CEP120: variants seen among roughly 807,000 people sequenced by gnomAD.
CEP120 encodes the protein centrosomal protein of 120 kDa.
In CEP120, 113 loss-of-function variants were observed where a neutral mutation model predicts 126.5. The ratio of observed to expected loss-of-function variants is 0.89; its 90% CI spans 0.77 to 1.04. CEP120 has a LOEUF of 1.04. Among genes scored for constraint, CEP120 ranks in the 50% least tolerant of loss-of-function variants. CEP120 has a pLI of 0.00. For synonymous variants in CEP120, 400 were observed against 394.3 expected (o/e 1.01, Z -0.17); for missense variants, 1,230 against 1,155.7 (o/e 1.06, Z -0.93).
chr5:123,383,191 C>T, intron 11 of CEP120, 109 bp from the exon 12 acceptor site: 2 of 639,946 alleles, frequency 3.1e-6, no homozygotes, highest in East Asian at 2.9e-5. Flanking sequence ...ATTTTCTGCT[C>T]CTAACTCTAT....
chr5:123,393,883 A>G (rs1309848558), intron 5 of CEP120, among the ~76,000 whole-genome samples: 2 of 152,202 alleles, frequency 1.3e-5, no homozygotes, highest in African/African-American at 2.4e-5. Context: ...TATGTTATGA[A>G]TGAGGAAAGG....
chr5:123,422,867 A>G, intron 1 of CEP120, 83 bp downstream of exon 1: 1 of 1,262,214 alleles, frequency 7.9e-7, no homozygotes, highest in Non-Finnish European at 1.2e-6. Flanking sequence ...CAGGGTTCTT[A>G]AGGTTAACAA....
chr5:123,389,805 G>T (rs1772267958), intron 8 of CEP120, 119 bp downstream of exon 8: 2 of 861,646 alleles, frequency 2.3e-6, no homozygotes, highest in East Asian at 2.6e-5. Flanking sequence ...CAGCCTTATT[G>T]GTTCTTAACA....
At chr5:123,367,583 C>CA (rs1770556625) in intron 17 of CEP120, among the ~76,000 whole-genome samples, 1 of 151,760 alleles carries the variant, frequency 6.6e-6, no homozygotes, top group Non-Finnish European at 1.5e-5. Context: ...TCCCAAAATC[C>CA]AAAAAATCTA....
intron 8 of CEP120, 130 bp from the exon 9 acceptor site, chr5:123,388,736 T>C (rs565691458): frequency 7.8e-5 from 48 of 618,842 alleles, no homozygotes; most frequent in African/African-American, 7.3e-4. Context: ...CTCATGAACA[T>C]ATGAATTGAG....
At chr5:123,363,044 T>A (rs1198663080) in intron 18 of CEP120, among the ~76,000 whole-genome samples, 4 of 151,630 alleles carry the variant, frequency 2.6e-5, no homozygotes. Flanking sequence ...GTTCCAGCCC[T>A]TATTACCAGA....
chr5:123,379,209 T>C (rs1771472692), intron 14 of CEP120, among the ~76,000 whole-genome samples: 1 of 152,028 alleles, frequency 6.6e-6, no homozygotes, highest in Non-Finnish European at 1.5e-5. Context: ...TGAGGACGTC[T>C]TAGCGCTTGA....
chr5:123,395,959 G>A (rs1464095015), intron 5 of CEP120, among the ~76,000 whole-genome samples: 2 of 149,640 alleles, frequency 1.3e-5, no homozygotes, highest in Non-Finnish European at 3.0e-5. Context: ...TGGGATTACA[G>A]ATGTGAGCCA....
At chr5:123,378,963 A>T (rs1195505135) in intron 14 of CEP120, among the ~76,000 whole-genome samples, 2 of 151,954 alleles carry the variant, frequency 1.3e-5, no homozygotes, top group Non-Finnish European at 2.9e-5. Context: ...CAACATGAGG[A>T]GAATCTAGCA....
intron 5 of CEP120, among the ~76,000 whole-genome samples, chr5:123,394,619 A>T (rs1040107089): frequency 4.6e-5 from 7 of 152,264 alleles, no homozygotes; most frequent in East Asian, 1.9e-4. Context: ...GGCTTAAAAA[A>T]ATTACAGGAC....
chr5:123,406,141 T>C (rs2127110430), intron 4 of CEP120, among the ~76,000 whole-genome samples: 1 of 149,682 alleles, frequency 6.7e-6, no homozygotes, highest in Admixed American at 6.7e-5. Context: ...CAATAGGAGT[T>C]TCCAAAACTG....
At chr5:123,422,493 C>A (rs1260175730) in intron 1 of CEP120, 2 of 1,535,112 alleles carry the variant, frequency 1.3e-6, no homozygotes, top group Admixed American at 3.9e-5. Context: ...AATACACCCT[C>A]TTAAGAACTG....
chr5:123,409,566 G>T (rs897825375), intron 4 of CEP120, among the ~76,000 whole-genome samples: 2 of 152,168 alleles, frequency 1.3e-5, no homozygotes, highest in African/African-American at 4.8e-5. Flanking sequence ...AGGAAATAAA[G>T]AGTATACAGA....
rs377046513 is a variant in CEP120 at position 123,349,002 on chromosome 5, C to T, written c.2726+942G>A. Among the ~76,000 whole-genome samples the T allele has an allele frequency of 9.0e-4, 137 of 152,230 alleles. No homozygotes were observed. The Middle Eastern group carries it at 0.01, about 11-fold the overall frequency. On this transcript the variant is annotated intron_variant, in intron 19 of 19. Transcript: ENST00000306467. ...AACCAGTCCAAGTTAACTAAAACTG[C>T]ACTTTGCTCAAAGAAAAATATACTA...
chr5:123,363,436 T>C (rs1770234510), intron 18 of CEP120, among the ~76,000 whole-genome samples: 1 of 151,618 alleles, frequency 6.6e-6, no homozygotes, highest in South Asian at 2.1e-4. Context: ...TGGTATAATA[T>C]TATTTTATAC....
At position 123,412,072 on chromosome 5, in the gene CEP120, G is replaced by A. The variant is rs140102259; in HGVS notation, c.463+327C>T. 3.5e-3 allele frequency among the ~76,000 whole-genome samples: 527 copies of A among 152,272 alleles called. 5 individuals are homozygous for A. Among genetic ancestry groups the A allele is most frequent in the African/African-American group, 0.012 (517 of 41,542 alleles). On this transcript the variant is annotated intron_variant, in intron 4 of 19. Transcript: ENST00000306467. The stretch of plus-strand genomic sequence containing the variant: ...ATAAAGGTTTTGTTAACCTACAGTT[G>A]AGTTAATAAATAGAGAACAGCATGA...
intron 1 of CEP120, among the ~76,000 whole-genome samples, chr5:123,418,864 T>C (rs1774542312): frequency 6.6e-6 from 1 of 152,174 alleles, no homozygotes. Context: ...ATTACAGGCA[T>C]GAGCCACCAT....
intron 3 of CEP120, 44 bp from the exon 4 acceptor site, chr5:123,412,584 G>A (rs756450640): frequency 1.4e-6 from 2 of 1,407,350 alleles, no homozygotes; most frequent in Non-Finnish European, 9.6e-7. Flanking sequence ...GTTAATAAGG[G>A]AAAAAACATA....
Position 123,401,610 on chromosome 5 carries a change from C to T in CEP120, c.464-2326G>A, listed in dbSNP as rs911742992. On this transcript the variant is annotated intron_variant, in intron 4 of 19. Coordinates refer to ENST00000306467, the MANE Select transcript of CEP120 (RefSeq NM_001375405.1). Reference sequence around the variant, plus strand: ...GAGCGGCTGTTGTCCATGGACAGCACCACAGATGTGTCTGAGATCCAGGAC... The same window carrying T: ...GAGCGGCTGTTGTCCATGGACAGCATCACAGATGTGTCTGAGATCCAGGAC... 7.8e-5 allele frequency: 110 copies of T among 1,417,468 alleles called. No individual in the cohort carries two copies. In the Admixed American group the frequency reaches 1.8e-3, roughly 23 times the overall value. 87.8% of individuals were successfully genotyped at this position (1,417,468 alleles called of 1,614,324 possible).
Sources: allele counts gnomAD v4.1 joint callset (sites outside exome capture counted in the v4.1 genomes callset), GRCh38; gene constraint gnomAD v4.1.1; transcripts MANE v1.5; gene names NCBI Gene and HGNC (gene_info 2026-07-23, HGNC 2026-07-21).